Variants in APLF observed in about 807,000 individuals in gnomAD.
APLF encodes aprataxin and PNK-like factor.
Under a neutral mutation model 55.6 loss-of-function variants are expected in APLF, and 61 were observed. That is an observed-to-expected ratio of 1.10 (90% CI 0.89 to 1.36). APLF has a LOEUF of 1.36. APLF is among the 40% of genes most tolerant of loss of function. The pLI, the probability that APLF is intolerant of heterozygous loss-of-function variation, is 0.00. For missense variants in APLF, 611 were observed against 602.5 expected (o/e 1.01, Z -0.15); for synonymous variants, 207 against 214.8 (o/e 0.96, Z 0.32).
chr2:68,533,038 T>C (rs1670299478), intron 6 of APLF, among the ~76,000 whole-genome samples: 1 of 152,064 alleles, frequency 6.6e-6, no homozygotes, highest in Admixed American at 6.6e-5. Flanking sequence ...CCAGCCTGGG[T>C]GACGTAAGGA....
At chr2:68,519,185 T>A (rs1669814039) in intron 5 of APLF, among the ~76,000 whole-genome samples, 1 of 139,224 alleles carries the variant, frequency 7.2e-6, no homozygotes, top group Non-Finnish European at 1.5e-5. Context: ...AATGTGACTA[T>A]ATATTTATAA....
chr2:68,572,973 AAC>A (rs773731365), intron 9 of APLF, among the ~76,000 whole-genome samples: 56 of 152,350 alleles, frequency 3.7e-4, no homozygotes, highest in Non-Finnish European at 3.2e-4. Context: ...GATAAGAACT[AAC>A]AGTGAAATTT....
chr2:68,565,554 C>G (rs889449073), intron 8 of APLF, among the ~76,000 whole-genome samples: 5 of 151,336 alleles, frequency 3.3e-5, no homozygotes, highest in East Asian at 1.9e-4. Flanking sequence ...TACATACATA[C>G]ATAGATAAAA....
chr2:68,469,828 T>A (rs1036090470), intron 1 of APLF, among the ~76,000 whole-genome samples: 1 of 152,182 alleles, frequency 6.6e-6, no homozygotes, highest in East Asian at 1.9e-4. Context: ...TCGGAAACGA[T>A]TAATATAAAT....
intron 5 of APLF, among the ~76,000 whole-genome samples, chr2:68,517,228 ATATTAATATATGTCATTACTATAT>A (rs1209057895): frequency 2.0e-4 from 22 of 111,018 alleles, no homozygotes; most frequent in African/African-American, 7.8e-4. Flanking sequence ...ATATATAAAT[ATATTAATATATGTCATTACTATAT>A]AATATATTAA....
chr2:68,541,206 T>C (rs1245448530), intron 7 of APLF, among the ~76,000 whole-genome samples: 1 of 152,162 alleles, frequency 6.6e-6, no homozygotes, highest in East Asian at 1.9e-4. Context: ...TAACATAGAA[T>C]ATATTCATGA....
At chr2:68,527,921 C>T (rs55941793) in intron 6 of APLF, among the ~76,000 whole-genome samples, 3 of 141,194 alleles carry the variant, frequency 2.1e-5, no homozygotes, top group African/African-American at 2.7e-5. Flanking sequence ...CAGAGGCACT[C>T]CTCACTGCCC....
At chr2:68,571,361 T>G (rs1390437403) in intron 9 of APLF, among the ~76,000 whole-genome samples, 1 of 152,220 alleles carries the variant, frequency 6.6e-6, no homozygotes, top group Non-Finnish European at 1.5e-5. Flanking sequence ...AGACATGAAG[T>G]CCTTGCTTAT....
intron 3 of APLF, 92 bp from the exon 4 acceptor site, chr2:68,512,988 C>CT: frequency 8.1e-7 from 1 of 1,227,230 alleles, no homozygotes; most frequent in Non-Finnish European, 1.1e-6. Context: ...TTTGCTAAGT[C>CT]TGAGTAAAGG....
intron 7 of APLF, among the ~76,000 whole-genome samples, chr2:68,543,486 A>G (rs189860629): frequency 6.6e-6 from 1 of 152,318 alleles, no homozygotes; most frequent in Admixed American, 6.5e-5. Context: ...GAAAAACTGG[A>G]ACTCTAATAA....
chr2:68,517,693 A>G (rs1050750889), intron 5 of APLF, among the ~76,000 whole-genome samples: 1 of 145,434 alleles, frequency 6.9e-6, no homozygotes, highest in Non-Finnish European at 1.5e-5. Flanking sequence ...TGTTATTAAC[A>G]TGTAACAATA....
chr2:68,519,519 T>A (rs959503626), intron 5 of APLF, among the ~76,000 whole-genome samples: 2 of 149,920 alleles, frequency 1.3e-5, no homozygotes, highest in Middle Eastern at 3.2e-3. Context: ...TTGGTCAAGT[T>A]AAGTCTTTCT....
chr2:68,484,017 G>A (rs1425492017), intron 1 of APLF, among the ~76,000 whole-genome samples: 1 of 152,072 alleles, frequency 6.6e-6, no homozygotes, highest in Admixed American at 6.6e-5. Flanking sequence ...ACTTTATTCA[G>A]GGTTGTTTCT....
At chr2:68,478,838 A>G (rs893348455) in intron 1 of APLF, among the ~76,000 whole-genome samples, 3 of 152,216 alleles carry the variant, frequency 2.0e-5, no homozygotes, top group African/African-American at 4.8e-5. Flanking sequence ...TGGGTTTATG[A>G]TTAGTACTGC....
At chr2:68,527,606 A>C (rs1206050906) in intron 6 of APLF, among the ~76,000 whole-genome samples, 2 of 114,752 alleles carry the variant, frequency 1.7e-5, no homozygotes, top group Admixed American at 8.7e-5. Context: ...GCAGTCCTCG[A>C]TTCGCAGACA....
intron 5 of APLF, among the ~76,000 whole-genome samples, chr2:68,525,449 T>C (rs1335681139): frequency 1.3e-5 from 2 of 152,238 alleles, no homozygotes; most frequent in African/African-American, 4.8e-5. Context: ...ATGTATCAGG[T>C]ACTCTGCTAG....
At chr2:68,516,316 C>T (rs1669576710) in intron 5 of APLF, among the ~76,000 whole-genome samples, 1 of 151,672 alleles carries the variant, frequency 6.6e-6, no homozygotes, top group Admixed American at 6.6e-5. Flanking sequence ...CTTGCGATCT[C>T]TCCTGGATCA....
In APLF at chr2:68,518,821, A is replaced by AATAATAT. The variant is rs1558539978; in HGVS notation, c.622+5141_622+5142insATAATAT. On this transcript the variant is annotated intron_variant, in intron 5 of 9. Coordinates refer to ENST00000303795, the MANE Select transcript of APLF (RefSeq NM_173545.3). ...ATAATCTATCATATAATAAAATATT[A>AATAATAT]GTAATATATCATTAATATGTAATAA... Among the ~76,000 whole-genome samples the AATAATAT allele has an allele frequency of 4.7e-5, 6 of 126,324 alleles. No individual in the cohort carries two copies. In the South Asian group the frequency reaches 9.2e-4, roughly 19 times the overall value. 82.9% of individuals were successfully genotyped at this position (126,324 alleles called of 152,430 possible). A position where few individuals can be genotyped will look rare whatever the true frequency, so the allele number is the denominator to read the frequency against.
intron 5 of APLF, among the ~76,000 whole-genome samples, chr2:68,516,979 TA>T (rs1346840376): frequency 2.4e-5 from 3 of 124,730 alleles, no homozygotes; most frequent in African/African-American, 9.4e-5. Context: ...TAATATAATA[TA>T]ATTATATATA....
Sources: allele counts gnomAD v4.1 joint callset (sites outside exome capture counted in the v4.1 genomes callset), GRCh38; gene constraint gnomAD v4.1.1; transcripts MANE v1.5; gene names NCBI Gene and HGNC (gene_info 2026-07-23, HGNC 2026-07-21).